HEATR5B: variants seen among roughly 807,000 people sequenced by gnomAD.
The protein encoded by HEATR5B is HEAT repeat-containing protein 5B.
HEATR5B carries 156 observed loss-of-function variants against 224.1 expected under a neutral mutation model. That is an observed-to-expected ratio of 0.70 (90% CI 0.61 to 0.80). HEATR5B has a LOEUF of 0.80. Ranked by LOEUF, HEATR5B falls within the 30% of genes least tolerant of loss-of-function variation. HEATR5B has a pLI of 0.00. For missense variants in HEATR5B, 2,323 were observed against 2,535.5 expected, an observed-to-expected ratio of 0.92 and a Z score of 1.80; for synonymous variants, 1,027 against 893.0, an observed-to-expected ratio of 1.15 and a Z score of -2.68.
chr2:37,075,313 C>T (rs1487224964), intron 5 of HEATR5B, among the ~76,000 whole-genome samples, 172 bp downstream of exon 5: 1 of 152,090 alleles, frequency 6.6e-6, no homozygotes, highest in Non-Finnish European at 1.5e-5. Context: ...CCAGAATACA[C>T]ATACACAAAA....
At chr2:37,005,508 G>C (rs1316122044) in intron 30 of HEATR5B, 124 bp downstream of exon 30, 12 of 833,418 alleles carry the variant, frequency 1.4e-5, no homozygotes, top group Non-Finnish European at 2.3e-5. Context: ...AATACAGGGA[G>C]TCAGTGTATT....
chr2:37,068,376 G>T (rs1030694754), intron 8 of HEATR5B, among the ~76,000 whole-genome samples: 15 of 152,136 alleles, frequency 9.9e-5, no homozygotes, highest in African/African-American at 3.4e-4. Flanking sequence ...GCAGAAAGAG[G>T]ACAATAGATT....
At chr2:37,030,228 G>A (rs1020983871) in intron 22 of HEATR5B, among the ~76,000 whole-genome samples, 32 of 152,146 alleles carry the variant, frequency 2.1e-4, no homozygotes, top group African/African-American at 7.0e-4. Context: ...AGAATAAGGG[G>A]AGGTTTGAAG....
intron 26 of HEATR5B, among the ~76,000 whole-genome samples, chr2:37,014,653 T>G (rs1383357897): frequency 6.6e-6 from 1 of 151,232 alleles, no homozygotes; most frequent in Non-Finnish European, 1.5e-5. Flanking sequence ...GGAAAAGGGT[T>G]ATGCTTGCTG....
intron 8 of HEATR5B, among the ~76,000 whole-genome samples, chr2:37,068,162 CTATT>C (rs1671698938): frequency 1.3e-5 from 2 of 152,086 alleles, no homozygotes; most frequent in African/African-American, 4.8e-5. Context: ...AAGACAATAA[CTATT>C]TATTAAATTG....
intron 17 of HEATR5B, among the ~76,000 whole-genome samples, chr2:37,053,021 C>CTTCATACTTCATTCTTCGAGT (rs1670658405): frequency 6.6e-6 from 1 of 152,110 alleles, no homozygotes; most frequent in Admixed American, 6.6e-5. Flanking sequence ...TTCTTCATAC[C>CTTCATACTTCATTCTTCGAGT]TGTAGAAACT....
chr2:37,010,996 TAAGAG>T (rs1012170038), intron 27 of HEATR5B, among the ~76,000 whole-genome samples: 19 of 152,304 alleles, frequency 1.2e-4, no homozygotes, highest in African/African-American at 4.6e-4. Context: ...AAAAGGTGCT[TAAGAG>T]AAGAAACTTT....
chr2:37,016,302 G>A (rs1390598504), intron 26 of HEATR5B, among the ~76,000 whole-genome samples: 2 of 151,896 alleles, frequency 1.3e-5, no homozygotes, highest in Admixed American at 6.6e-5. Context: ...TAGTAGAGAC[G>A]GGGTTTCACC....
chr2:37,066,549 C>T (rs1047036733), intron 8 of HEATR5B, among the ~76,000 whole-genome samples: 2 of 152,022 alleles, frequency 1.3e-5, no homozygotes, highest in Non-Finnish European at 2.9e-5. Context: ...CTGTAAGTTC[C>T]CATTAATTAA....
At chr2:36,985,893 C>T (rs1665921167) in intron 35 of HEATR5B, among the ~76,000 whole-genome samples, 2 of 151,914 alleles carry the variant, frequency 1.3e-5, no homozygotes, top group African/African-American at 4.8e-5. Flanking sequence ...AAAGATATTG[C>T]TAAAGCCTAA....
chr2:37,061,197 A>G (rs963321975), intron 11 of HEATR5B, among the ~76,000 whole-genome samples: 4 of 152,208 alleles, frequency 2.6e-5, no homozygotes, highest in African/African-American at 9.6e-5. Flanking sequence ...TGGTTAATTT[A>G]GTTTCATGGA....
chr2:37,038,137 G>T, intron 20 of HEATR5B, 113 bp from the exon 21 acceptor site: 2 of 755,052 alleles, frequency 2.6e-6, no homozygotes, highest in African/African-American at 1.8e-5. Context: ...TATTATTCAG[G>T]TTTTTTTTGC....
intron 33 of HEATR5B, among the ~76,000 whole-genome samples, chr2:36,995,867 T>G (rs994718047): frequency 2.6e-5 from 4 of 152,150 alleles, no homozygotes; most frequent in Non-Finnish European, 4.4e-5. Context: ...CATAATTTTT[T>G]GATCAGTAAG....
chr2:37,032,879 G>GTTT, intron 21 of HEATR5B, 106 bp from the exon 22 acceptor site: 2 of 856,964 alleles, frequency 2.3e-6, no homozygotes, highest in Non-Finnish European at 3.3e-6. Flanking sequence ...TATATGTTTT[G>GTTT]TTTTGTTTTT....
intron 7 of HEATR5B, 51 bp downstream of exon 7, chr2:37,070,179 C>A: frequency 1.3e-6 from 2 of 1,573,722 alleles, no homozygotes; most frequent in Non-Finnish European, 1.7e-6. Context: ...GGATTACAGG[C>A]GTGAGCCACC....
intron 3 of HEATR5B, among the ~76,000 whole-genome samples, chr2:37,077,716 T>G (rs913116744): frequency 1.3e-5 from 2 of 152,260 alleles, no homozygotes; most frequent in Non-Finnish European, 2.9e-5. Context: ...TTTGACAAAA[T>G]TATATCATTT....
chr2:37,026,393 G>C (rs1041187020), intron 24 of HEATR5B, among the ~76,000 whole-genome samples: 3 of 152,180 alleles, frequency 2.0e-5, no homozygotes, highest in African/African-American at 7.2e-5. Context: ...GTGGGCATTT[G>C]TTATAGCAGC....
chr2:36,986,239 A>T (rs1402018352), intron 35 of HEATR5B, among the ~76,000 whole-genome samples: 1 of 152,230 alleles, frequency 6.6e-6, no homozygotes, highest in Non-Finnish European at 1.5e-5. Flanking sequence ...ATTTTTGCCT[A>T]AATAACCTAT....
intron 22 of HEATR5B, among the ~76,000 whole-genome samples, chr2:37,031,246 T>C (rs981189132): frequency 3.9e-5 from 6 of 152,118 alleles, no homozygotes; most frequent in Non-Finnish European, 5.9e-5. Context: ...GCCTATACAC[T>C]GAGTCCACCC....
Sources: gnomAD v4.1 joint callset for allele counts (sites outside exome capture counted in the v4.1 genomes callset) on GRCh38, gnomAD v4.1.1 for gene constraint, MANE v1.5 for transcripts, NCBI Gene and HGNC (gene_info 2026-07-23, HGNC 2026-07-21) for gene names.